COL4A6: variants seen among roughly 807,000 people sequenced by gnomAD.
COL4A6 encodes collagen type IV alpha 6 chain.
A neutral mutation model predicts 126.7 loss-of-function variants in COL4A6; 59 were observed. That is an observed-to-expected ratio of 0.47 (90% CI 0.38 to 0.58). COL4A6 has a LOEUF of 0.58. Ranked by LOEUF, COL4A6 falls within the 20% of genes least tolerant of loss-of-function variation. COL4A6 has a pLI of 0.00. For missense variants in COL4A6, 1,285 were observed against 1,337.3 expected (o/e 0.96, Z 0.61); for synonymous variants, 547 against 496.6 (o/e 1.10, Z -1.35).
At chrX:108,199,905 A>G (rs1258768976) in intron 13 of COL4A6, among the ~76,000 whole-genome samples, 2 of 111,820 alleles carry the variant, frequency 1.8e-5, no homozygotes, top group Admixed American at 1.9e-4. Context: ...AATTGGCTAG[A>G]ATTCAAGAAA....
chrX:108,262,912 C>T (rs191974852), intron 3 of COL4A6, among the ~76,000 whole-genome samples: 1 of 111,318 alleles, frequency 9.0e-6, no homozygotes, highest in Admixed American at 9.5e-5. Flanking sequence ...AATAAACAAA[C>T]CCTCATCAAA....
intron 41 of COL4A6, among the ~76,000 whole-genome samples, chrX:108,162,039 G>C (rs1283962967): frequency 8.9e-6 from 1 of 112,411 alleles, no homozygotes; most frequent in East Asian, 2.8e-4. Context: ...GCAACGGCGA[G>C]CATCCCATAT....
At chrX:108,298,041 TAA>T (rs1285301727) in intron 3 of COL4A6, among the ~76,000 whole-genome samples, 1 of 111,960 alleles carries the variant, frequency 8.9e-6, no homozygotes, top group African/African-American at 3.2e-5. Context: ...CTTCAGAGTT[TAA>T]GTCTCTTCTT....
intron 3 of COL4A6, among the ~76,000 whole-genome samples, chrX:108,285,235 C>A (rs2037975019): frequency 9.0e-6 from 1 of 111,446 alleles, no homozygotes; most frequent in African/African-American, 3.3e-5. Context: ...AGGAAAGAAT[C>A]TTCCTCTGAA....
chrX:108,282,072 G>C (rs1569404560), intron 3 of COL4A6, among the ~76,000 whole-genome samples: 1 of 110,945 alleles, frequency 9.0e-6, no homozygotes, highest in Non-Finnish European at 1.9e-5. Context: ...TTACCATTCA[G>C]GACATACGCA....
At chrX:108,206,470 C>A in intron 9 of COL4A6, 48 bp downstream of exon 9, 1 of 1,148,246 alleles carries the variant, frequency 8.7e-7, no homozygotes, top group Non-Finnish European at 1.2e-6. Flanking sequence ...GTAGGGAAAA[C>A]AACCATGTGA....
Position 108,209,953 on chromosome X carries a change from A to G in COL4A6, c.546+16T>C. The G allele has an allele frequency of 1.7e-6, 2 of 1,208,484 alleles. No homozygotes were observed. Among genetic ancestry groups the G allele is most frequent in the Non-Finnish European group, 2.2e-6 (2 of 893,773 alleles). On this transcript the variant is annotated intron_variant, in intron 8 of 44. Coordinates refer to ENST00000334504, the MANE Select transcript of COL4A6 (RefSeq NM_033641.4). ...TTAGTCAACACTGAGAGCTCAACACATAAATAACAACTTACAGTGATTCCA... is the reference window on the plus strand; with the variant it reads ...TTAGTCAACACTGAGAGCTCAACACGTAAATAACAACTTACAGTGATTCCA...
At chrX:108,269,155 G>A (rs745413462) in intron 3 of COL4A6, 48 of 330,450 alleles carry the variant, frequency 1.5e-4, no homozygotes, top group Middle Eastern at 1.3e-3. Context: ...AAGTTGTGCT[G>A]CAGACAAAAA....
chrX:108,432,321 T>C (rs1411622501), intron 2 of COL4A6, among the ~76,000 whole-genome samples: 2 of 112,765 alleles, frequency 1.8e-5, no homozygotes, highest in African/African-American at 6.4e-5. Flanking sequence ...TATTTTATTA[T>C]GTAAAGTGAC....
At chrX:108,246,799 G>T (rs2036728644) in intron 3 of COL4A6, among the ~76,000 whole-genome samples, 1 of 110,681 alleles carries the variant, frequency 9.0e-6, no homozygotes, top group African/African-American at 3.3e-5. Context: ...AGGAAGGGGG[G>T]TATCTGAACT....
Position 108,193,678 on chromosome X carries a change from C to A in COL4A6, c.1022G>T (p.Gly341Val). ...QGIEGQKGDIGLPGPDVFIDI... is the reference protein window; with the variant it reads ...QGIEGQKGDIVLPGPDVFIDI... ...GATGAAAACATCTGGGCCTGGCAGG[C>A]CAATGTCACCCTTTTGACCCTGCAA... is the stretch of plus-strand genomic sequence containing the variant. The change falls in exon 17 of 45, where the codon GGC becomes GTC. Residue 341 changes from glycine to valine, a missense_variant. Transcript: ENST00000334504. 3.3e-6 allele frequency: 4 copies of A among 1,207,053 alleles called. No homozygotes were observed. The highest frequency in any genetic ancestry group is 4.5e-6 in the Non-Finnish European group (4 of 891,649).
chrX:108,433,893 GGCAGGTGGATT>G lies in COL4A6; in HGVS notation c.63+4038_63+4048del, dbSNP rs969718632. Among the ~76,000 whole-genome samples, 6 of 112,022 alleles carry G rather than the reference GGCAGGTGGATT, an allele frequency of 5.4e-5. No individual in the cohort carries two copies. In the Admixed American group the frequency reaches 5.7e-4, roughly 11 times the overall value. Reference sequence around the variant, plus strand: ...TAGTCCCAGCTACTCAGGAGGCTGAGGCAGGTGGATTGCTTGAGGCTGTGGTGTACCATAAT... The same window carrying G: ...TAGTCCCAGCTACTCAGGAGGCTGAGGCTTGAGGCTGTGGTGTACCATAAT... On this transcript the variant is annotated intron_variant, in intron 2 of 44. Transcript: ENST00000334504.
chrX:108,258,575 A>G (rs1203296714), intron 3 of COL4A6, among the ~76,000 whole-genome samples: 1 of 112,198 alleles, frequency 8.9e-6, no homozygotes, highest in South Asian at 3.7e-4. Context: ...AAGGAAATAA[A>G]AAGGAGGGAA....
chrX:108,230,264 A>T (rs1384316827), intron 3 of COL4A6, among the ~76,000 whole-genome samples: 1 of 112,231 alleles, frequency 8.9e-6, no homozygotes, highest in African/African-American at 3.2e-5. Context: ...CACACAAAAC[A>T]TAATTGTGGG....
chrX:108,161,223 GT>G (rs2033921302), intron 42 of COL4A6, among the ~76,000 whole-genome samples: 1 of 111,485 alleles, frequency 9.0e-6, no homozygotes, highest in South Asian at 3.9e-4. Flanking sequence ...AATAGAAGAG[GT>G]ATATGGACAG....
intron 3 of COL4A6, among the ~76,000 whole-genome samples, chrX:108,306,687 A>C (rs889270095): frequency 1.8e-5 from 2 of 111,149 alleles, no homozygotes; most frequent in Non-Finnish European, 3.8e-5. Flanking sequence ...GGATATAAGG[A>C]ATTAAGAAAC....
chrX:108,300,279 T>C (rs572120601), intron 3 of COL4A6, among the ~76,000 whole-genome samples: 8 of 111,043 alleles, frequency 7.2e-5, no homozygotes, highest in African/African-American at 2.6e-4. Flanking sequence ...AGCTAATTTT[T>C]TAAAAATTAA....
At position 108,271,908 on chromosome X, in the gene COL4A6, G is replaced by T. The variant is rs772434221; in HGVS notation, c.144+38840C>A. On this transcript the variant is annotated intron_variant, in intron 3 of 44. Coordinates refer to ENST00000334504, the MANE Select transcript of COL4A6 (RefSeq NM_033641.4). ...GGGCAAGAGAGAGTCTACAGTGGAT[G>T]TATTTCCTGTATTATCCAGCTGCCT... 2.7e-5 allele frequency among the ~76,000 whole-genome samples: 3 copies of T among 112,184 alleles called. No individual in the cohort carries two copies. The South Asian group carries it at 1.1e-3, about 42-fold the overall frequency.
intron 2 of COL4A6, among the ~76,000 whole-genome samples, chrX:108,403,232 A>AGCTC (rs1556315866): frequency 3.2e-4 from 13 of 40,714 alleles, no homozygotes; most frequent in Non-Finnish European, 4.3e-4. Flanking sequence ...TGCAAAGATT[A>AGCTC]GCTCTCTCTC....
Sources: gnomAD v4.1 joint callset for allele counts (sites outside exome capture counted in the v4.1 genomes callset) on GRCh38, gnomAD v4.1.1 for gene constraint, MANE v1.5 for transcripts, NCBI Gene and HGNC (gene_info 2026-07-23, HGNC 2026-07-21) for gene names.